The following DIABLO variants were observed in gnomAD, a reference collection of about 807,000 sequenced individuals.
DIABLO encodes the protein diablo homolog, mitochondrial.
Under a neutral mutation model 31.7 loss-of-function variants are expected in DIABLO, and 32 were observed. That is an observed-to-expected ratio of 1.01 (90% CI 0.76 to 1.35). DIABLO has a LOEUF of 1.35. Among genes scored for constraint, DIABLO ranks in the 40% most tolerant of loss-of-function variants. DIABLO has a pLI of 0.00. For missense variants in DIABLO, 316 were observed against 286.4 expected (o/e 1.10, Z -0.75); for synonymous variants, 132 against 103.2 (o/e 1.28, Z -1.69).
At chr12:122,225,815 G>C (rs1375967770) in intron 1 of DIABLO, 150 bp downstream of exon 1, 38 of 1,498,218 alleles carry the variant, frequency 2.5e-5, no homozygotes, top group Non-Finnish European at 3.2e-5. Flanking sequence ...GCTGTCCTCA[G>C]TCCTCCCGAC....
chr12:122,226,227 G>A, upstream of DIABLO: 1 of 798,432 alleles, frequency 1.3e-6, no homozygotes, highest in Non-Finnish European at 2.1e-6. Flanking sequence ...CGGAACTTCC[G>A]CGCGGGGCGG....
At position 122,210,543 on chromosome 12, in the gene DIABLO, A is replaced by AT. The variant is rs559487961; in HGVS notation, c.524-1967dup. 9.4e-3 allele frequency among the ~76,000 whole-genome samples: 1,414 copies of AT among 150,778 alleles called. 21 individuals are homozygous for AT. The highest frequency in any genetic ancestry group is 0.032 in the South Asian group (150 of 4,750). ...GCCCACCACCATGCCTAATTTATTT[A>AT]TTTATTTTTTTTATTTTAGTAGAGA... On this transcript the variant is annotated intron_variant, in intron 5 of 5. Coordinates refer to ENST00000464942, the MANE Select transcript of DIABLO (RefSeq NM_001371333.1).
At chr12:122,224,450 G>C (rs547322163) in intron 2 of DIABLO, 62 bp downstream of exon 2, 1 of 1,612,402 alleles carries the variant, frequency 6.2e-7, no homozygotes, top group South Asian at 1.1e-5. Context: ...ATGCTTCACC[G>C]CCCACTTGAG....
chr12:122,223,010 A>G (rs1593181433), intron 2 of DIABLO, among the ~76,000 whole-genome samples: 1 of 151,290 alleles, frequency 6.6e-6, no homozygotes, highest in East Asian at 2.0e-4. Context: ...AATTCTCCCC[A>G]CCTCTTCTGC....
chr12:122,213,234 A>AGAACT (rs1954126908), intron 5 of DIABLO, among the ~76,000 whole-genome samples: 4 of 152,084 alleles, frequency 2.6e-5, no homozygotes, highest in Middle Eastern at 3.4e-3. Flanking sequence ...TTGGTTAAAA[A>AGAACT]AGTGAAATCA....
Position 122,208,160 on chromosome 12 carries a change from T to TTA in DIABLO, c.*220_*221insTA, listed in dbSNP as rs1289496161. ...AGCAGCTGTACAGAGTGGGGTGAAA[T>TTA]GTTAAACAGGGTGCAGTGCCCAAGG... On this transcript the variant is annotated 3_prime_UTR_variant, in exon 6 of 6. Transcript: ENST00000464942. 8.6e-6 allele frequency: 6 copies of TTA among 699,398 alleles called. No homozygotes were observed. The highest frequency in any genetic ancestry group is 1.6e-5 in the Non-Finnish European group (6 of 387,012). The allele number at this position is 699,398 out of a possible 1,614,324, so 43.3% of individuals were successfully genotyped here.
upstream of DIABLO, chr12:122,227,330 C>G (rs1178775047): frequency 2.2e-6 from 1 of 452,094 alleles, no homozygotes; most frequent in Non-Finnish European, 4.4e-6. Context: ...CAGGCACTGG[C>G]TTCCTTCTCT....
Position 122,214,550 on chromosome 12 carries a change from C to T in DIABLO, c.523+1938G>A, listed in dbSNP as rs1346157433. Among the ~76,000 whole-genome samples the T allele has an allele frequency of 7.2e-5, 11 of 152,018 alleles. No individual in the cohort carries two copies. The East Asian group carries it at 7.7e-4, about 11-fold the overall frequency. On this transcript the variant is annotated intron_variant, in intron 5 of 5. Coordinates refer to ENST00000464942, the MANE Select transcript of DIABLO (RefSeq NM_001371333.1). ...AAGCAATCCTCCCACCTCTGCCTCC[C>T]GAGTAGCTGGGACTACAGGCGAGCG...
chr12:122,209,689 C>A (rs1316742632), intron 5 of DIABLO: 1 of 689,202 alleles, frequency 1.5e-6, no homozygotes. Flanking sequence ...TGAGCTCTCT[C>A]ATTTTACCTG....
intron 1 of DIABLO, chr12:122,225,106 G>A (rs1189252759): frequency 9.1e-6 from 3 of 327,976 alleles, no homozygotes; most frequent in Non-Finnish European, 1.2e-5. Flanking sequence ...CCAGCTACTC[G>A]GGAGGCTGAG....
In DIABLO at chr12:122,216,488, C is replaced by T. The variant is rs1954214318; in HGVS notation, c.523G>A (p.Gly175Ser). The T allele has an allele frequency of 6.2e-7, 1 of 1,613,080 alleles. No individual in the cohort carries two copies. Among genetic ancestry groups the T allele is most frequent in the Admixed American group, 1.7e-5 (1 of 59,972 alleles). Residue 175 changes from glycine (G) to serine (S), a missense_variant and splice_region_variant, in exon 5 of 6, where the codon GGC (glycine) becomes AGC (serine). Transcript: ENST00000464942. ...AACCCAACACAAAACTTGAACCTAC[C>T]AGTTTGATATGCAGCTTCTGCTGCC... Reference protein sequence around the residue: ...EMAAEAAYQTGADQASITARN... With the variant: ...EMAAEAAYQTSADQASITARN...
chr12:122,211,937 G>A lies in DIABLO; in HGVS notation c.524-3360C>T, dbSNP rs115239761. On this transcript the variant is annotated intron_variant, in intron 5 of 5. Coordinates refer to ENST00000464942, the MANE Select transcript of DIABLO (RefSeq NM_001371333.1). ...CTAAATTTTGGAACACAATCTAAAC[G>A]TGTCATTTAATAAGTTTATTTTTAC... Among the ~76,000 whole-genome samples, 847 of 151,194 alleles carry A rather than the reference G, an allele frequency of 5.6e-3. 6 individuals carry two copies. Among genetic ancestry groups the A allele is most frequent in the African/African-American group, 0.02 (810 of 41,142 alleles).
At position 122,207,672 on chromosome 12, in the gene DIABLO, GGA is replaced by G. The variant is rs1953954560; in HGVS notation, c.*707_*708del. ...AGGAAGGAGGCTGCATAGGACCCCA[GGA>G]GAGACGCATTTTCTCTTTCAGATGC... On this transcript the variant is annotated 3_prime_UTR_variant, in exon 6 of 6. Transcript: ENST00000464942. 1.6e-6 allele frequency: 1 copy of G among 632,760 alleles called. No homozygotes were observed. The highest frequency in any genetic ancestry group is 2.9e-6 in the Non-Finnish European group (1 of 341,830). 39.2% of individuals were successfully genotyped at this position (632,760 alleles called of 1,614,324 possible).
intron 5 of DIABLO, 171 bp from the exon 6 acceptor site, chr12:122,208,748 C>T (rs749791795): frequency 1.4e-6 from 1 of 720,204 alleles, no homozygotes; most frequent in East Asian, 2.7e-5. Context: ...ATGTTCAGGT[C>T]TGGATTTAAC....
At chr12:122,217,670 C>A in intron 3 of DIABLO, 1 of 157,380 alleles carries the variant, frequency 6.4e-6, no homozygotes, top group Non-Finnish European at 1.4e-5. Context: ...ACACAACACA[C>A]CATGCCTGGC....
chr12:122,222,657 A>G (rs1954360524), intron 2 of DIABLO: 1 of 151,890 alleles, frequency 6.6e-6, no homozygotes, highest in Non-Finnish European at 1.5e-5. Context: ...GTTGAAGACA[A>G]TTTTTTCATG....
intron 5 of DIABLO, 54 bp downstream of exon 5, chr12:122,216,434 T>A: frequency 6.9e-7 from 1 of 1,450,404 alleles, no homozygotes; most frequent in Non-Finnish European, 9.6e-7. Context: ...ACTCAAATGG[T>A]ACCTTCCTAG....
intron 1 of DIABLO, chr12:122,225,607 C>T: frequency 8.1e-7 from 1 of 1,232,194 alleles, no homozygotes; most frequent in African/African-American, 1.6e-5. Context: ...TCTTCAGACG[C>T]TCGTCTCCCT....
At chr12:122,208,770 CA>C in intron 5 of DIABLO, 193 bp from the exon 6 acceptor site, 1 of 693,116 alleles carries the variant, frequency 1.4e-6, no homozygotes, top group South Asian at 1.5e-5. Flanking sequence ...GACACTCTGT[CA>C]AAAACAGCAT....
Sources: allele counts gnomAD v4.1 joint callset (sites outside exome capture counted in the v4.1 genomes callset), GRCh38; gene constraint gnomAD v4.1.1; transcripts MANE v1.5; gene names NCBI Gene and HGNC (gene_info 2026-07-23, HGNC 2026-07-21).